The following NTM variants were observed in gnomAD, a reference collection of about 807,000 sequenced individuals.
NTM encodes IgLON family member 2.
A neutral mutation model predicts 42.1 loss-of-function variants in NTM; 13 were observed. That is an observed-to-expected ratio of 0.31 (90% CI 0.20 to 0.49). The LOEUF is 0.49. Among genes scored for constraint, NTM ranks in the 20% least tolerant of loss-of-function variants. NTM has a pLI of 0.99. For synonymous variants in NTM, 187 were observed against 179.2 expected (o/e 1.04, Z -0.35); for missense variants, 373 against 452.8 (o/e 0.82, Z 1.60).
At chr11:131,961,583 A>C (rs1259893659) in intron 2 of NTM, among the ~76,000 whole-genome samples, 1 of 152,186 alleles carries the variant, frequency 6.6e-6, no homozygotes, top group Non-Finnish European at 1.5e-5. Flanking sequence ...GCTAGACTGA[A>C]GATACTCTGG....
At chr11:132,054,733 A>G (rs1428626819) in intron 2 of NTM, among the ~76,000 whole-genome samples, 1 of 152,256 alleles carries the variant, frequency 6.6e-6, no homozygotes, top group Non-Finnish European at 1.5e-5. Flanking sequence ...CTTGAGATTT[A>G]TAAGCATTAT....
At chr11:131,994,017 A>ATAG in intron 2 of NTM, among the ~76,000 whole-genome samples, 1 of 138,010 alleles carries the variant, frequency 7.2e-6, no homozygotes, top group East Asian at 2.1e-4. Flanking sequence ...AAAAAAAAAA[A>ATAG]AAGAAGAAGA....
intron 2 of NTM, among the ~76,000 whole-genome samples, chr11:132,140,236 C>T (rs923679656): frequency 6.6e-6 from 1 of 152,124 alleles, no homozygotes; most frequent in South Asian, 2.1e-4. Context: ...TCTCCCGGAG[C>T]CTCTCTCTGA....
chr11:132,301,466 C>T (rs1034057947), intron 4 of NTM, among the ~76,000 whole-genome samples: 12 of 152,166 alleles, frequency 7.9e-5, no homozygotes, highest in African/African-American at 2.9e-4. Flanking sequence ...TTCATGAGAC[C>T]TCAAAATCAG....
At chr11:131,838,731 T>TA (rs1238275866) in intron 1 of NTM, among the ~76,000 whole-genome samples, 1 of 152,166 alleles carries the variant, frequency 6.6e-6, no homozygotes, top group Admixed American at 6.5e-5. Flanking sequence ...AAAGGGGGTT[T>TA]ATTAGGTTTT....
intron 1 of NTM, among the ~76,000 whole-genome samples, chr11:131,685,249 C>A (rs540749114): frequency 6.7e-6 from 1 of 150,044 alleles, no homozygotes; most frequent in South Asian, 2.1e-4. Context: ...CCCAGTCAGT[C>A]CTTCCTGATG....
intron 1 of NTM, among the ~76,000 whole-genome samples, chr11:131,559,035 A>C (rs2055850718): frequency 6.6e-6 from 1 of 152,238 alleles, no homozygotes; most frequent in Non-Finnish European, 1.5e-5. Context: ...TGATGCTTGA[A>C]TATTTTCTTA....
chr11:132,207,758 C>T (rs1401379633), intron 3 of NTM, among the ~76,000 whole-genome samples: 1 of 152,110 alleles, frequency 6.6e-6, no homozygotes, highest in East Asian at 1.9e-4. Context: ...CTTTTCTCTC[C>T]AGATATGATT....
Position 131,702,198 on chromosome 11 carries a change from C to T in NTM, c.83-209366C>T, listed in dbSNP as rs117968538. The stretch of plus-strand genomic sequence containing the variant: ...CCATCTCACTTTCACCAGGGATCGG[C>T]CCACACTTGGAACTCCTGATCTATC... On this transcript the variant is annotated intron_variant, in intron 1 of 8. Coordinates refer to ENST00000683400, the MANE Select transcript of NTM (RefSeq NM_001352005.2). 5.4e-3 allele frequency among the ~76,000 whole-genome samples: 823 copies of T among 152,258 alleles called. 5 individuals are homozygous for T. The highest frequency in any genetic ancestry group is 7.0e-3 in the Non-Finnish European group (478 of 68,020).
At chr11:132,332,900 C>T (rs896582200) in intron 8 of NTM, 4 of 152,234 alleles carry the variant, frequency 2.6e-5, no homozygotes, top group Non-Finnish European at 5.9e-5. Flanking sequence ...GGAAGCGGCA[C>T]TTGTTTTCCA....
intron 4 of NTM, among the ~76,000 whole-genome samples, chr11:132,262,552 G>GGA (rs2092926505): frequency 6.6e-6 from 1 of 152,108 alleles, no homozygotes; most frequent in South Asian, 2.1e-4. Flanking sequence ...CATGGCAGGG[G>GGA]GAGAGAGAGA....
At chr11:131,431,208 C>T (rs147731540) in intron 1 of NTM, among the ~76,000 whole-genome samples, 4 of 152,120 alleles carry the variant, frequency 2.6e-5, no homozygotes, top group African/African-American at 9.6e-5. Context: ...ATCTCTCATT[C>T]GGGTGTCTTG....
chr11:132,070,388 C>G (rs1401718158), intron 2 of NTM, among the ~76,000 whole-genome samples: 1 of 144,060 alleles, frequency 6.9e-6, no homozygotes, highest in Non-Finnish European at 1.5e-5. Flanking sequence ...TAACACGTCA[C>G]ACAGCCAAGT....
At chr11:131,813,913 C>T (rs1040886322) in intron 1 of NTM, among the ~76,000 whole-genome samples, 3 of 152,090 alleles carry the variant, frequency 2.0e-5, no homozygotes, top group Admixed American at 6.5e-5. Flanking sequence ...CGTAACAGTG[C>T]CTACTTCACA....
At chr11:131,806,117 AT>A (rs1361780008) in intron 1 of NTM, among the ~76,000 whole-genome samples, 1 of 152,174 alleles carries the variant, frequency 6.6e-6, no homozygotes, top group African/African-American at 2.4e-5. Context: ...ACTTGACAAC[AT>A]TTTTTTAAAA....
rs374463119 is a variant in NTM at position 132,186,455 on chromosome 11, G to T, written c.401-25567G>T. Among the ~76,000 whole-genome samples the T allele has an allele frequency of 1.2e-4, 18 of 152,304 alleles. 1 individual carries two copies. The highest frequency in any genetic ancestry group is 4.1e-4 in the African/African-American group (17 of 41,566). The stretch of plus-strand genomic sequence containing the variant: ...GCAGCCTTCTCTTTTTAGTTTGACT[G>T]GTATCCCAGCTCCCCGAGGAACCTG... On this transcript the variant is annotated intron_variant, in intron 3 of 8. Coordinates refer to ENST00000683400, the MANE Select transcript of NTM (RefSeq NM_001352005.2).
At chr11:132,064,142 G>GAAGA (rs2136062929) in intron 2 of NTM, among the ~76,000 whole-genome samples, 1 of 152,236 alleles carries the variant, frequency 6.6e-6, no homozygotes, top group Admixed American at 6.5e-5. Flanking sequence ...GGAGAGAAAG[G>GAAGA]AAGAAAGGTA....
At chr11:131,682,997 C>G (rs2073233634) in intron 1 of NTM, among the ~76,000 whole-genome samples, 1 of 152,236 alleles carries the variant, frequency 6.6e-6, no homozygotes, top group Admixed American at 6.5e-5. Flanking sequence ...CGTTCTCTCT[C>G]TATCACGCAA....
At chr11:131,789,659 AG>A (rs2090542461) in intron 1 of NTM, among the ~76,000 whole-genome samples, 4 of 138,624 alleles carry the variant, frequency 2.9e-5, no homozygotes, top group African/African-American at 1.1e-4. Flanking sequence ...AAGAAGAAGA[AG>A]AAGAAGAAAG....
Sources: allele counts gnomAD v4.1 joint callset (sites outside exome capture counted in the v4.1 genomes callset), GRCh38; gene constraint gnomAD v4.1.1; transcripts MANE v1.5; gene names NCBI Gene and HGNC (gene_info 2026-07-23, HGNC 2026-07-21).